Variants in GALNT13 observed in about 807,000 individuals in gnomAD.
The protein encoded by GALNT13 is polypeptide N-acetylgalactosaminyltransferase 13.
GALNT13 carries 28 observed loss-of-function variants against 64.2 expected under a neutral mutation model. The ratio of observed to expected loss-of-function variants is 0.44; its 90% confidence interval spans 0.32 to 0.60. The LOEUF is 0.60. Among genes scored for constraint, GALNT13 ranks in the 20% least tolerant of loss-of-function variants. The pLI is 0.05. For synonymous variants in GALNT13, 214 were observed against 224.6 expected, an observed-to-expected ratio of 0.95 and a Z score of 0.42; for missense variants, 577 against 669.8, an observed-to-expected ratio of 0.86 and a Z score of 1.53.
chr2:154,035,575 A>G (rs1698612766), intron 3 of GALNT13, among the ~76,000 whole-genome samples: 1 of 152,078 alleles, frequency 6.6e-6, no homozygotes, highest in Non-Finnish European at 1.5e-5. Context: ...AGTTTGAACT[A>G]TGATTTAATT....
chr2:153,594,794 A>C, the GALNT13 span, among the ~76,000 whole-genome samples: 58 of 152,274 alleles, frequency 3.8e-4, no homozygotes, highest in African/African-American at 1.3e-3. Flanking sequence ...CATAAAATGT[A>C]ATCTTTCATT....
chr2:153,321,123 C>T, the GALNT13 span, among the ~76,000 whole-genome samples: 1 of 152,140 alleles, frequency 6.6e-6, no homozygotes, highest in Non-Finnish European at 1.5e-5. Context: ...GTTGCTAAAT[C>T]CCAGAATTGT....
At chr2:153,258,873 G>A in the GALNT13 span, among the ~76,000 whole-genome samples, 3 of 152,068 alleles carry the variant, frequency 2.0e-5, no homozygotes, top group Non-Finnish European at 4.4e-5. Flanking sequence ...CTAACATATG[G>A]TCTATCCTTG....
intron 3 of GALNT13, 52 bp downstream of exon 3, chr2:153,944,691 C>G (rs763790796): frequency 6.8e-7 from 1 of 1,462,820 alleles, no homozygotes; most frequent in South Asian, 1.3e-5. Context: ...AAAAGTGGTG[C>G]CTTGACAAAA....
intron 4 of GALNT13, among the ~76,000 whole-genome samples, chr2:154,197,479 G>T (rs1230776035): frequency 6.6e-6 from 1 of 152,038 alleles, no homozygotes; most frequent in Non-Finnish European, 1.5e-5. Flanking sequence ...AAAAGAGTCT[G>T]TTAGAAGAAA....
chr2:153,116,952 A>C, the GALNT13 span, among the ~76,000 whole-genome samples: 1 of 151,626 alleles, frequency 6.6e-6, no homozygotes, highest in Non-Finnish European at 1.5e-5. Flanking sequence ...GGCGCCCGCC[A>C]CCACGCCCGG....
chr2:153,587,565 A>G, the GALNT13 span, among the ~76,000 whole-genome samples: 2 of 152,144 alleles, frequency 1.3e-5, no homozygotes, highest in Non-Finnish European at 2.9e-5. Context: ...AAGGCATCAG[A>G]TCTCATGAGA....
At chr2:153,494,944 A>C in the GALNT13 span, among the ~76,000 whole-genome samples, 1 of 152,142 alleles carries the variant, frequency 6.6e-6, no homozygotes, top group Non-Finnish European at 1.5e-5. Context: ...GAAAGATGTA[A>C]AAATGTCCAG....
In GALNT13 at chr2:154,429,035, C is replaced by T. The variant is rs192171172; in HGVS notation, c.1396-9557C>T. Reference sequence around the variant, plus strand: ...GACTGCTCCACAGACTGGCCATTCCCTATCTCTCGCTCCACAGACTGGCCA... The same window carrying T: ...GACTGCTCCACAGACTGGCCATTCCTTATCTCTCGCTCCACAGACTGGCCA... On this transcript the variant is annotated intron_variant, in intron 11 of 12. Coordinates refer to ENST00000392825, the MANE Select transcript of GALNT13 (RefSeq NM_052917.4). Among the ~76,000 whole-genome samples the T allele has an allele frequency of 1.5e-3, 232 of 152,076 alleles. 2 individuals are homozygous for T. Among genetic ancestry groups the T allele is most frequent in the African/African-American group, 5.0e-3 (209 of 41,444 alleles).
At chr2:153,273,292 G>A in the GALNT13 span, among the ~76,000 whole-genome samples, 1 of 152,078 alleles carries the variant, frequency 6.6e-6, no homozygotes, top group African/African-American at 2.4e-5. Flanking sequence ...TTAAAAAAAT[G>A]AACCACTGCA....
chr2:153,261,413 A>AT, the GALNT13 span, among the ~76,000 whole-genome samples: 1 of 152,140 alleles, frequency 6.6e-6, no homozygotes, highest in Non-Finnish European at 1.5e-5. Context: ...TTGCAGCCAT[A>AT]TTTGCTTAAC....
chr2:153,118,348 C>T, the GALNT13 span, among the ~76,000 whole-genome samples: 2 of 152,122 alleles, frequency 1.3e-5, no homozygotes, highest in Non-Finnish European at 2.9e-5. Context: ...TCCTTCCTTC[C>T]CAGGGCAACC....
chr2:154,071,841 A>G (rs906565762), intron 3 of GALNT13, among the ~76,000 whole-genome samples: 6 of 152,140 alleles, frequency 3.9e-5, no homozygotes, highest in Middle Eastern at 3.4e-3. Flanking sequence ...TTTACTTTTA[A>G]GATGGTCTAA....
chr2:153,679,168 G>A, the GALNT13 span, among the ~76,000 whole-genome samples: 122 of 151,824 alleles, frequency 8.0e-4, no homozygotes, highest in East Asian at 0.02. Context: ...TATTTCCTTC[G>A]CAACAGCCAG....
intron 3 of GALNT13, among the ~76,000 whole-genome samples, chr2:154,024,261 G>A (rs986614598): frequency 1.4e-4 from 22 of 152,186 alleles, no homozygotes; most frequent in African/African-American, 4.1e-4. Flanking sequence ...GATTGGGGAA[G>A]TTCTCCTGGA....
chr2:153,193,053 T>C, the GALNT13 span, among the ~76,000 whole-genome samples: 1 of 152,164 alleles, frequency 6.6e-6, no homozygotes, highest in Non-Finnish European at 1.5e-5. Flanking sequence ...TGATCATTTA[T>C]ATTGTCTTCA....
At chr2:154,011,095 A>G (rs996105359) in intron 3 of GALNT13, among the ~76,000 whole-genome samples, 1 of 151,824 alleles carries the variant, frequency 6.6e-6, no homozygotes, top group Non-Finnish European at 1.5e-5. Flanking sequence ...AATTTCATTC[A>G]ATTCAGATCT....
At chr2:153,524,320 TC>T in the GALNT13 span, among the ~76,000 whole-genome samples, 2 of 148,238 alleles carry the variant, frequency 1.3e-5, no homozygotes, top group Non-Finnish European at 1.5e-5. Flanking sequence ...GTATTCCTTC[TC>T]TTTTTTTTTT....
chr2:153,247,488 C>A, the GALNT13 span, among the ~76,000 whole-genome samples: 1 of 152,176 alleles, frequency 6.6e-6, no homozygotes, highest in Non-Finnish European at 1.5e-5. Context: ...GAAACTCACT[C>A]AAAACTGCAC....
Sources: gnomAD v4.1 joint callset for allele counts (sites outside exome capture counted in the v4.1 genomes callset) on GRCh38, gnomAD v4.1.1 for gene constraint, MANE v1.5 for transcripts, NCBI Gene and HGNC (gene_info 2026-07-23, HGNC 2026-07-21) for gene names.